Variants in UGT1A10 observed in about 807,000 individuals in gnomAD.
The protein encoded by UGT1A10 is UDP glucuronosyltransferase family 1 member A10, also known as UDP-glucuronosyltransferase 1A10.
In UGT1A10, 49 loss-of-function variants were observed where a neutral mutation model predicts 45.8. The ratio of observed to expected loss-of-function variants is 1.07; its 90% confidence interval spans 0.85 to 1.36. The LOEUF (loss-of-function observed/expected upper bound fraction) is 1.36. UGT1A10 is among the 40% of genes most tolerant of loss of function. The probability of loss-of-function intolerance (pLI) is 0.00; values close to 1 mark genes in which losing one functional copy is unlikely to be tolerated. For missense variants in UGT1A10, 745 were observed against 668.6 expected (o/e 1.11, Z -1.26); for synonymous variants, 284 against 249.7 (o/e 1.14, Z -1.29).
At chr2:233,760,058 T>C (rs749323547) in intron 1 of UGT1A10, among the ~76,000 whole-genome samples, 16 of 152,188 alleles carry the variant, frequency 1.1e-4, no homozygotes, top group Non-Finnish European at 2.1e-4. Context: ...CTCAAGAATG[T>C]GATTTGAGTA....
chr2:233,717,316 T>A (rs2076563211), intron 1 of UGT1A10, among the ~76,000 whole-genome samples: 1 of 152,198 alleles, frequency 6.6e-6, no homozygotes, highest in African/African-American at 2.4e-5. Context: ...TTTCTAGCAC[T>A]CTGTGTCCTC....
At chr2:233,691,284 A>G (rs555799821) in intron 1 of UGT1A10, 1 of 985,524 alleles carries the variant, frequency 1.0e-6, no homozygotes, top group Non-Finnish European at 1.2e-6. Context: ...GACTTTGATC[A>G]TTGTAAGCTG....
intron 1 of UGT1A10, among the ~76,000 whole-genome samples, chr2:233,652,951 C>T (rs2073774636): frequency 6.6e-6 from 1 of 152,200 alleles, no homozygotes; most frequent in South Asian, 2.1e-4. Flanking sequence ...GAAACAACAA[C>T]AACAAAAAAC....
At chr2:233,741,446 CAGTG>C (rs1388534811) in intron 1 of UGT1A10, 2 of 149,546 alleles carry the variant, frequency 1.3e-5, no homozygotes, top group African/African-American at 2.6e-5. Flanking sequence ...GCAAACTACT[CAGTG>C]AGTATCTTCA....
intron 1 of UGT1A10, among the ~76,000 whole-genome samples, chr2:233,653,761 A>G (rs1363344770): frequency 6.6e-6 from 1 of 152,150 alleles, no homozygotes; most frequent in African/African-American, 2.4e-5. Context: ...CACAGTCAGC[A>G]AATTTTTGTA....
chr2:233,664,687 G>A (rs1229622052), intron 1 of UGT1A10, among the ~76,000 whole-genome samples: 1 of 152,104 alleles, frequency 6.6e-6, no homozygotes, highest in Non-Finnish European at 1.5e-5. Flanking sequence ...ACAACACAAA[G>A]CCATGAGGGA....
In UGT1A10 at chr2:233,769,448, C is replaced by T. The variant is rs934555154; in HGVS notation, c.1295+1009C>T. The T allele has an allele frequency of 7.2e-5, 114 of 1,590,160 alleles. No individual in the cohort carries two copies. The East Asian group carries it at 1.2e-3, about 16-fold the overall frequency. ...GGCTGTGCTCATGTGTGGGTGCACA[C>T]GTGTGCATTCATATGCGTGTGTGTG... On this transcript the variant is annotated intron_variant, in intron 4 of 4. Coordinates refer to ENST00000344644, the MANE Select transcript of UGT1A10 (RefSeq NM_019075.4). The surrounding 1 kb of genome is among the most constrained non-coding windows in gnomAD (Gnocchi z 4.4).
At chr2:233,649,017 A>G in intron 1 of UGT1A10, 3 of 1,311,670 alleles carry the variant, frequency 2.3e-6, no homozygotes, top group South Asian at 1.5e-5. Flanking sequence ...AGGGAAAGCC[A>G]GTGCCTATGG....
At chr2:233,693,939 G>A in intron 1 of UGT1A10, 1 of 1,604,432 alleles carries the variant, frequency 6.2e-7, no homozygotes, top group Admixed American at 1.7e-5. Flanking sequence ...TTGGCTCCTT[G>A]AGCCGACTGT....
rs1362371317 is a variant in UGT1A10 at position 233,772,403 on chromosome 2, C to T, written c.1437C>T (p.Thr479=). The T allele has an allele frequency of 6.2e-7, 1 of 1,614,140 alleles. No individual in the cohort carries two copies. Among genetic ancestry groups the T allele is most frequent in the African/African-American group, 1.3e-5 (1 of 74,952 alleles). The part of the protein sequence containing the change: ...PHLRPAAHDL[T]WYQYHSLDVI... ...TGCGCCCCGCAGCCCACGACCTCAC[C>T]TGGTACCAGTACCATTCCTTGGACG... Residue 479 remains threonine (T), a synonymous_variant, in exon 5 of 5, where the codon ACC becomes ACT. Coordinates refer to ENST00000344644, the MANE Select transcript of UGT1A10 (RefSeq NM_019075.4).
At chr2:233,735,393 C>T (rs948009314) in intron 1 of UGT1A10, among the ~76,000 whole-genome samples, 32 of 152,066 alleles carry the variant, frequency 2.1e-4, no homozygotes, top group Non-Finnish European at 3.5e-4. Flanking sequence ...TTATTTTGAG[C>T]CTATGTGTGT....
intron 1 of UGT1A10, among the ~76,000 whole-genome samples, chr2:233,674,383 A>AC (rs1436721914): frequency 6.6e-6 from 1 of 152,122 alleles, no homozygotes; most frequent in Admixed American, 6.6e-5. Flanking sequence ...TCTCCCCTTT[A>AC]CCCTCCATAA....
chr2:233,757,675 A>T (rs1397708687), intron 1 of UGT1A10, among the ~76,000 whole-genome samples: 1 of 151,408 alleles, frequency 6.6e-6, no homozygotes, highest in Non-Finnish European at 1.5e-5. Flanking sequence ...AATTCAAGGA[A>T]TTCAAGGGAT....
intron 1 of UGT1A10, among the ~76,000 whole-genome samples, chr2:233,639,193 G>A (rs184819911): frequency 1.3e-5 from 2 of 152,244 alleles, no homozygotes; most frequent in African/African-American, 2.4e-5. Context: ...TATTTTGATT[G>A]TAAATATCTT....
intron 1 of UGT1A10, among the ~76,000 whole-genome samples, chr2:233,725,446 A>G (rs1478370195): frequency 6.6e-6 from 1 of 152,006 alleles, no homozygotes; most frequent in Non-Finnish European, 1.5e-5. Flanking sequence ...AGCCACATAC[A>G]TAATTTAAAC....
chr2:233,748,538 A>C (rs879259422), intron 1 of UGT1A10, among the ~76,000 whole-genome samples: 4 of 151,868 alleles, frequency 2.6e-5, no homozygotes, highest in Admixed American at 2.6e-4. Context: ...AGGTGACCAC[A>C]GGAGACCTAA....
chr2:233,772,112 C>T (rs1700461982), intron 4 of UGT1A10, 150 bp from the exon 5 acceptor site: 2 of 1,527,992 alleles, frequency 1.3e-6, no homozygotes, highest in Non-Finnish European at 1.8e-6. Flanking sequence ...GACTCTGTAT[C>T]TAAAAACAAC....
At chr2:233,680,011 TTC>T (rs892879074) in intron 1 of UGT1A10, among the ~76,000 whole-genome samples, 4 of 152,052 alleles carry the variant, frequency 2.6e-5, no homozygotes, top group Non-Finnish European at 5.9e-5. Context: ...TTTTCTTTCT[TTC>T]TCTCTCTCTC....
At chr2:233,729,454 T>C (rs758737792) in intron 1 of UGT1A10, 3 of 1,614,042 alleles carry the variant, frequency 1.9e-6, no homozygotes, top group Non-Finnish European at 2.5e-6. Flanking sequence ...TCTGAAGAAA[T>C]TTTTCAGAAG....
Sources: allele counts gnomAD v4.1 joint callset (sites outside exome capture counted in the v4.1 genomes callset), GRCh38; gene constraint gnomAD v4.1.1; non-coding constraint Gnocchi (gnomAD v3.1); transcripts MANE v1.5; gene names NCBI Gene and HGNC (gene_info 2026-07-23, HGNC 2026-07-21).